MEP1A: variants seen among roughly 807,000 people sequenced by gnomAD.
MEP1A encodes the protein N-benzoyl-L-tyrosyl-P-amino-benzoic acid hydrolase subunit alpha.
In MEP1A, 68 loss-of-function variants were observed where a neutral mutation model predicts 84.5. That is an observed-to-expected ratio of 0.80 (90% confidence interval 0.66 to 0.98). MEP1A has a LOEUF of 0.98. Ranked by LOEUF, MEP1A falls within the 50% of genes least tolerant of loss-of-function variation. The pLI is 0.00. For synonymous variants in MEP1A, 337 were observed against 336.8 expected (o/e 1.00, Z -0.01); for missense variants, 887 against 919.9 (o/e 0.96, Z 0.46).
downstream of MEP1A, among the ~76,000 whole-genome samples, chr6:46,841,301 TGA>T (rs1768327273): frequency 4.7e-5 from 1 of 21,478 alleles, no homozygotes; most frequent in African/African-American, 1.4e-4. Flanking sequence ...TCACTTTTGA[TGA>T]TTAATGGAAA....
intron 3 of MEP1A, among the ~76,000 whole-genome samples, chr6:46,797,796 TTCTTTCTTTCTTTCTTTCTTTC>T (rs1562102548): frequency 7.6e-5 from 1 of 13,200 alleles, no homozygotes; most frequent in African/African-American, 5.5e-4. Context: ...TTCTTTCTCT[TTCTTTCTTTCTTTCTTTCTTTC>T]TTTCTTTCTT....
In MEP1A at chr6:46,839,185, G is replaced by A. The variant is rs776489340; in HGVS notation, c.*49G>A. ...CCACAGCAGCACCTCCTCCATGCAG[G>A]CCTTAACTTTCCCATGGTCAATGCA... On this transcript the variant is annotated 3_prime_UTR_variant, in exon 14 of 14. Transcript: ENST00000230588. The A allele has an allele frequency of 1.7e-5, 26 of 1,536,714 alleles. No individual in the cohort carries two copies. Among genetic ancestry groups the A allele is most frequent in the Non-Finnish European group, 2.0e-5 (23 of 1,129,752 alleles).
intron 5 of MEP1A, among the ~76,000 whole-genome samples, chr6:46,800,028 G>C (rs976333342): frequency 1.3e-5 from 2 of 152,142 alleles, no homozygotes; most frequent in Non-Finnish European, 2.9e-5. Flanking sequence ...GTGCTGCCTC[G>C]AATCCCTGTT....
At chr6:46,809,366 G>T in intron 5 of MEP1A, 54 bp from the exon 6 acceptor site, 1 of 1,110,464 alleles carries the variant, frequency 9.0e-7, no homozygotes, top group Non-Finnish European at 1.3e-6. Flanking sequence ...ATAAGTTATA[G>T]ATATTATCTA....
In MEP1A at chr6:46,809,372, A is replaced by G. The variant is rs1239347117; in HGVS notation, c.263-48A>G. 2.5e-6 allele frequency: 3 copies of G among 1,181,504 alleles called. No individual in the cohort carries two copies. The African/African-American group carries it at 4.6e-5, about 18-fold the overall frequency. The allele number at this position is 1,181,504 out of a possible 1,614,324, so 73.2% of individuals were successfully genotyped here. On this transcript the variant is annotated intron_variant, in intron 5 of 13. Transcript: ENST00000230588. ...CTCTAAACTATAAGTTATAGATATT[A>G]TCTAAGGTCCAAATAATGCTCATTG...
At chr6:46,838,171 G>A (rs368447144) in intron 13 of MEP1A, among the ~76,000 whole-genome samples, 25 of 151,976 alleles carry the variant, frequency 1.6e-4, no homozygotes, top group African/African-American at 3.4e-4. Flanking sequence ...GGTATTACAG[G>A]CGTATGCCAC....
chr6:46,818,597 G>A (rs1443796362), intron 6 of MEP1A, among the ~76,000 whole-genome samples: 1 of 152,156 alleles, frequency 6.6e-6, no homozygotes, highest in Non-Finnish European at 1.5e-5. Context: ...TCTACCGTAA[G>A]GAATTCAGGG....
chr6:46,807,815 GAAAGAAAGAAAGAAAGA>G, intron 5 of MEP1A, among the ~76,000 whole-genome samples: 1 of 150,426 alleles, frequency 6.6e-6, no homozygotes, highest in Non-Finnish European at 1.5e-5. Context: ...AAGAAAGAAA[GAAAGAAAGAAAGAAAGA>G]AAGAAAGGAA....
At position 46,833,524 on chromosome 6, in the gene MEP1A, C is replaced by T. The variant is rs771433404; in HGVS notation, c.1595C>T (p.Ser532Leu). The T allele has an allele frequency of 1.1e-5, 18 of 1,613,502 alleles. No individual in the cohort carries two copies. Among genetic ancestry groups the T allele is most frequent in the East Asian group, 2.2e-5 (1 of 44,888 alleles). Reference protein sequence around the residue: ...SSSMVFTTSKSHTSPAINDTV... With the variant: ...SSSMVFTTSKLHTSPAINDTV... ...AGCATGGTGTTCACTACCTCGAAGT[C>T]GCACACATCTCCAGGTGGGTGGTGT... Residue 532 changes from serine (S) to leucine (L), a missense_variant, in exon 11 of 14, where the codon TCG becomes TTG. Transcript: ENST00000230588.
chr6:46,837,946 C>T (rs1768252514), intron 13 of MEP1A, among the ~76,000 whole-genome samples: 1 of 150,780 alleles, frequency 6.6e-6, no homozygotes, highest in Admixed American at 6.6e-5. Flanking sequence ...GGCTGGAGTG[C>T]AATGGCACGA....
chr6:46,825,219 G>A, intron 7 of MEP1A, 53 bp from the exon 8 acceptor site: 6 of 1,209,190 alleles, frequency 5.0e-6, no homozygotes, highest in Non-Finnish European at 5.9e-6. Flanking sequence ...TCAAAGAGTA[G>A]CATGGGGAAA....
intron 3 of MEP1A, among the ~76,000 whole-genome samples, chr6:46,797,503 A>G (rs1376858708): frequency 6.6e-6 from 1 of 152,216 alleles, no homozygotes; most frequent in East Asian, 1.9e-4. Context: ...ACGGTTTAGA[A>G]TGGATCTATC....
At chr6:46,825,643 T>A in intron 8 of MEP1A, 150 bp downstream of exon 8, 1 of 615,826 alleles carries the variant, frequency 1.6e-6, no homozygotes, top group Non-Finnish European at 2.8e-6. Context: ...TTGGTCTACC[T>A]CTAGACCCAT....
intron 5 of MEP1A, among the ~76,000 whole-genome samples, chr6:46,808,220 G>A (rs867588843): frequency 3.3e-5 from 5 of 151,886 alleles, no homozygotes; most frequent in African/African-American, 1.2e-4. Context: ...AACTAAGTAA[G>A]AATAGGTAAA....
chr6:46,823,951 T>C (rs1041491275), intron 7 of MEP1A, among the ~76,000 whole-genome samples: 2 of 152,178 alleles, frequency 1.3e-5, no homozygotes, highest in African/African-American at 4.8e-5. Flanking sequence ...CCTATTTTAT[T>C]TTTGTTCTCC....
At chr6:46,793,804 AT>A in intron 3 of MEP1A, 88 bp downstream of exon 3, 1 of 920,076 alleles carries the variant, frequency 1.1e-6, no homozygotes. Flanking sequence ...CTAATACTGT[AT>A]TGTGATTCTC....
intron 10 of MEP1A, among the ~76,000 whole-genome samples, chr6:46,830,674 TA>T (rs1388948744): frequency 6.6e-6 from 1 of 152,210 alleles, no homozygotes; most frequent in Admixed American, 6.5e-5. Flanking sequence ...GGAAAGGAAT[TA>T]TTTTTTATAT....
In MEP1A at chr6:46,835,412, C is replaced by A. The variant is rs765030795; in HGVS notation, c.1947C>A (p.Ser649Arg). ...LPVSLSQGQP[S>R]RQKRSVENTG... ...TCAGCCTGAGCCAGGGGCAGCCCAG[C>A]CGACAGAAGCGGTCGGTGGAGAACA... The change falls in exon 13 of 14, where the codon AGC becomes AGA. Residue 649 changes from serine to arginine, a missense_variant. Transcript: ENST00000230588. The A allele has an allele frequency of 9.9e-6, 16 of 1,611,968 alleles. No homozygotes were observed. In the African/African-American group the frequency reaches 1.9e-4, roughly 19 times the overall value.
At chr6:46,844,456 G>A (rs1043608543), downstream of MEP1A, among the ~76,000 whole-genome samples, 4 of 152,114 alleles carry the variant, frequency 2.6e-5, no homozygotes, top group African/African-American at 7.2e-5. Context: ...ATCCCAGAAT[G>A]GATTGAGACA....
Sources: gnomAD v4.1 joint callset for allele counts (sites outside exome capture counted in the v4.1 genomes callset) on GRCh38, gnomAD v4.1.1 for gene constraint, MANE v1.5 for transcripts, NCBI Gene and HGNC (gene_info 2026-07-23, HGNC 2026-07-21) for gene names.